The following PACRG variants were observed in gnomAD, a reference collection of about 807,000 sequenced individuals.
The protein encoded by PACRG is parkin coregulated, also known as parkin coregulated gene protein.
Under a neutral mutation model 29.7 loss-of-function variants are expected in PACRG, and 29 were observed. That is an observed-to-expected ratio of 0.98 (90% CI 0.73 to 1.33). PACRG has a LOEUF of 1.33. Among genes scored for constraint, PACRG ranks in the 40% most tolerant of loss-of-function variants. The pLI is 0.00. For synonymous variants in PACRG, 116 were observed against 118.7 expected (o/e 0.98, Z 0.15); for missense variants, 279 against 316.2 (o/e 0.88, Z 0.89).
At chr6:163,239,792 TCA>T (rs983427781) in intron 4 of PACRG, among the ~76,000 whole-genome samples, 9 of 57,026 alleles carry the variant, frequency 1.6e-4, no homozygotes, top group Admixed American at 3.6e-4. Context: ...ACACACACAC[TCA>T]CACATTCACA....
At chr6:163,006,573 TTC>T (rs1805138094) in intron 2 of PACRG, among the ~76,000 whole-genome samples, 2 of 151,926 alleles carry the variant, frequency 1.3e-5, no homozygotes, top group South Asian at 4.1e-4. Flanking sequence ...GATTTTTTAA[TTC>T]TTTTTGCAAT....
rs541265183 is a variant in PACRG at position 163,034,296 on chromosome 6, G to A, written c.292-27854G>A. ...CACAATCCCGTACATGCCTAATTCTGTCACTCACAGCTATTAGCAAAGAGC... is the reference window on the plus strand; with the variant it reads ...CACAATCCCGTACATGCCTAATTCTATCACTCACAGCTATTAGCAAAGAGC... On this transcript the variant is annotated intron_variant, in intron 2 of 4. Transcript: ENST00000366888. 7.2e-5 allele frequency among the ~76,000 whole-genome samples: 11 copies of A among 152,264 alleles called. No individual in the cohort carries two copies. The South Asian group carries it at 2.3e-3, about 32-fold the overall frequency.
chr6:163,063,701 C>T (rs973675178), intron 3 of PACRG, among the ~76,000 whole-genome samples: 1 of 152,128 alleles, frequency 6.6e-6, no homozygotes, highest in African/African-American at 2.4e-5. Context: ...GACCACACCA[C>T]ATTTCCACCA....
chr6:163,185,646 G>T (rs1297186983), intron 4 of PACRG, among the ~76,000 whole-genome samples: 1 of 152,132 alleles, frequency 6.6e-6, no homozygotes, highest in African/African-American at 2.4e-5. Context: ...GGAGGAAATC[G>T]CGGCATCATC....
intron 2 of PACRG, among the ~76,000 whole-genome samples, chr6:163,012,332 T>C (rs1187156571): frequency 6.6e-6 from 1 of 152,220 alleles, no homozygotes; most frequent in African/African-American, 2.4e-5. Context: ...GACAAAGTCT[T>C]GCTTTTCACC....
intron 1 of PACRG, among the ~76,000 whole-genome samples, chr6:162,776,177 C>T (rs919191708): frequency 3.3e-5 from 5 of 152,184 alleles, no homozygotes; most frequent in African/African-American, 7.2e-5. Context: ...GTCTTTACTT[C>T]GTGACAGCAA....
chr6:163,083,911 A>C (rs1354981259), intron 3 of PACRG, among the ~76,000 whole-genome samples: 2 of 152,232 alleles, frequency 1.3e-5, no homozygotes, highest in African/African-American at 2.4e-5. Context: ...CTTTGCAAAA[A>C]AAAAATCATA....
chr6:162,974,877 G>A (rs974508330), intron 2 of PACRG, among the ~76,000 whole-genome samples: 31 of 152,116 alleles, frequency 2.0e-4, no homozygotes, highest in African/African-American at 6.8e-4. Flanking sequence ...CTCCAAATCC[G>A]TGGTCTGAGT....
chr6:162,967,000 G>T (rs550785816), intron 2 of PACRG, among the ~76,000 whole-genome samples: 40 of 152,228 alleles, frequency 2.6e-4, no homozygotes, highest in Non-Finnish European at 5.3e-4. Flanking sequence ...CAGCTTCAGG[G>T]CAACTTACAC....
chr6:163,035,542 A>T (rs911301899), intron 2 of PACRG, among the ~76,000 whole-genome samples: 1 of 152,182 alleles, frequency 6.6e-6, no homozygotes, highest in Non-Finnish European at 1.5e-5. Flanking sequence ...GCTACTTGGG[A>T]GGCTGAGGCA....
intron 1 of PACRG, among the ~76,000 whole-genome samples, chr6:162,813,235 ATAGT>A (rs534340186): frequency 6.6e-4 from 101 of 152,094 alleles, no homozygotes; most frequent in African/African-American, 2.0e-3. Context: ...TATTTTGTCT[ATAGT>A]TAGTATTAGC....
intron 2 of PACRG, among the ~76,000 whole-genome samples, chr6:162,920,610 T>G (rs1252622552): frequency 6.6e-6 from 1 of 152,204 alleles, no homozygotes; most frequent in Non-Finnish European, 1.5e-5. Context: ...CCTTACCTGA[T>G]GACTGGGTAT....
At chr6:162,856,044 T>G (rs991268946) in intron 2 of PACRG, among the ~76,000 whole-genome samples, 7 of 151,900 alleles carry the variant, frequency 4.6e-5, no homozygotes, top group Admixed American at 1.3e-4. Flanking sequence ...GAGTTTTGGT[T>G]TTGTTGTTGT....
intron 4 of PACRG, among the ~76,000 whole-genome samples, chr6:163,210,342 A>T (rs1781083849): frequency 6.6e-6 from 1 of 152,226 alleles, no homozygotes; most frequent in Non-Finnish European, 1.5e-5. Context: ...TCTTTCTAAA[A>T]TGTGAAAAAG....
At chr6:163,185,354 A>G (rs1474880355) in intron 4 of PACRG, among the ~76,000 whole-genome samples, 1 of 152,262 alleles carries the variant, frequency 6.6e-6, no homozygotes, top group Non-Finnish European at 1.5e-5. Flanking sequence ...TAATTTCTAT[A>G]ACATGGATCC....
intron 4 of PACRG, among the ~76,000 whole-genome samples, chr6:163,186,852 T>C (rs1326651288): frequency 6.6e-6 from 1 of 152,244 alleles, no homozygotes; most frequent in Non-Finnish European, 1.5e-5. Flanking sequence ...AGGAGGTATT[T>C]AGTCGGCCTC....
At chr6:163,084,816 G>A (rs991630777) in intron 3 of PACRG, among the ~76,000 whole-genome samples, 2 of 107,408 alleles carry the variant, frequency 1.9e-5, no homozygotes, top group African/African-American at 7.5e-5. Context: ...TTTAATGTTA[G>A]TGTTACTCAT....
intron 2 of PACRG, among the ~76,000 whole-genome samples, chr6:162,874,147 A>ATATATAT (rs1165938489): frequency 6.4e-5 from 7 of 109,752 alleles, no homozygotes; most frequent in Admixed American, 5.8e-4. Context: ...GTTAAAAAAA[A>ATATATAT]AAAAATATAT....
chr6:162,965,311 T>C (rs1304982528), intron 2 of PACRG, among the ~76,000 whole-genome samples: 1 of 152,200 alleles, frequency 6.6e-6, no homozygotes, highest in Non-Finnish European at 1.5e-5. Flanking sequence ...CTGCCTGTTG[T>C]CTTAGTCCAT....
Sources: allele counts gnomAD v4.1 joint callset (sites outside exome capture counted in the v4.1 genomes callset), GRCh38; gene constraint gnomAD v4.1.1; transcripts MANE v1.5; gene names NCBI Gene and HGNC (gene_info 2026-07-23, HGNC 2026-07-21).